The following NRG1 variants were observed in gnomAD, a reference collection of about 807,000 sequenced individuals.
NRG1 encodes pro-neuregulin-1, membrane-bound isoform.
Under a neutral mutation model 63.8 loss-of-function variants are expected in NRG1, and 18 were observed. The observed-to-expected ratio is 0.28, with a 90% CI of 0.19 to 0.42. The LOEUF is 0.42. Ranked by LOEUF, NRG1 falls within the 10% of genes least tolerant of loss-of-function variation. NRG1 has a pLI of 1.00. For synonymous variants in NRG1, 302 were observed against 301.3 expected, an observed-to-expected ratio of 1.00 and a Z score of -0.02; for missense variants, 762 against 814.7, an observed-to-expected ratio of 0.94 and a Z score of 0.79.
chr8:32,651,755 A>G (rs1855176880), intron 5 of NRG1, among the ~76,000 whole-genome samples: 1 of 152,190 alleles, frequency 6.6e-6, no homozygotes. Flanking sequence ...TGGATATACC[A>G]TAGGATTTCT....
At chr8:31,854,865 A>G (rs1176221368) in intron 1 of NRG1, among the ~76,000 whole-genome samples, 1 of 152,112 alleles carries the variant, frequency 6.6e-6, no homozygotes, top group Non-Finnish European at 1.5e-5. Context: ...TCGTTTCGTT[A>G]TGTACCCAGT....
At chr8:31,763,239 T>C (rs549187287) in intron 1 of NRG1, among the ~76,000 whole-genome samples, 5 of 152,336 alleles carry the variant, frequency 3.3e-5, no homozygotes, top group African/African-American at 1.2e-4. Flanking sequence ...CATTAAAACA[T>C]TTCTCTGTGG....
chr8:32,330,367 A>G (rs1490307007), intron 1 of NRG1, among the ~76,000 whole-genome samples: 1 of 152,206 alleles, frequency 6.6e-6, no homozygotes, highest in East Asian at 1.9e-4. Flanking sequence ...AAATGACAGG[A>G]TAGGTCTAGA....
chr8:31,834,142 G>C (rs554998787), intron 1 of NRG1, among the ~76,000 whole-genome samples: 19 of 152,316 alleles, frequency 1.2e-4, no homozygotes, highest in South Asian at 6.2e-4. Context: ...TTCTTGGCAA[G>C]TATGTTTGTT....
At chr8:31,974,747 C>T (rs1156499192) in intron 1 of NRG1, among the ~76,000 whole-genome samples, 1 of 152,098 alleles carries the variant, frequency 6.6e-6, no homozygotes, top group East Asian at 1.9e-4. Flanking sequence ...GACAAAATAG[C>T]GAAGAATGAA....
chr8:32,087,993 C>A (rs943047494), intron 1 of NRG1, among the ~76,000 whole-genome samples: 2 of 152,118 alleles, frequency 1.3e-5, no homozygotes, highest in Non-Finnish European at 2.9e-5. Flanking sequence ...TTGACTATGG[C>A]CATTTCCTAT....
chr8:32,026,982 A>G (rs931822485), intron 1 of NRG1, among the ~76,000 whole-genome samples: 2 of 151,770 alleles, frequency 1.3e-5, no homozygotes, highest in Non-Finnish European at 2.9e-5. Context: ...AATTGCATCC[A>G]TTGTTTTTCT....
intron 1 of NRG1, among the ~76,000 whole-genome samples, chr8:32,233,553 ATATATATATAT>A (rs1395476357): frequency 0.023 from 1,783 of 76,124 alleles, 36 homozygotes; most frequent in African/African-American, 0.077. Context: ...ATATATATAT[ATATATATATAT>A]TTTTTTTTTT....
intron 1 of NRG1, among the ~76,000 whole-genome samples, chr8:31,810,042 T>C (rs1822731756): frequency 6.6e-6 from 1 of 152,074 alleles, no homozygotes; most frequent in South Asian, 2.1e-4. Context: ...GATGGTACCC[T>C]TCACCCTGTA....
chr8:32,188,895 G>T (rs1842217738), intron 1 of NRG1, among the ~76,000 whole-genome samples: 1 of 151,948 alleles, frequency 6.6e-6, no homozygotes, highest in Admixed American at 6.6e-5. Context: ...CACCAGCATG[G>T]CACATGTATA....
At chr8:31,745,510 C>A (rs1311397662) in intron 1 of NRG1, among the ~76,000 whole-genome samples, 1 of 151,920 alleles carries the variant, frequency 6.6e-6, no homozygotes, top group African/African-American at 2.4e-5. Context: ...CTCTATATTT[C>A]CTATGCTAAG....
intron 1 of NRG1, among the ~76,000 whole-genome samples, chr8:32,045,981 G>T (rs773153562): frequency 1.1e-4 from 17 of 152,066 alleles, no homozygotes; most frequent in Non-Finnish European, 1.9e-4. Context: ...CTCTGTAAAA[G>T]ACACTATAAG....
At chr8:32,126,553 C>A (rs1295537811) in intron 1 of NRG1, among the ~76,000 whole-genome samples, 1 of 151,830 alleles carries the variant, frequency 6.6e-6, no homozygotes, top group Non-Finnish European at 1.5e-5. Context: ...AAAAGCTCTT[C>A]CCCAGGGATG....
At chr8:31,940,196 A>T (rs1801545349) in intron 1 of NRG1, among the ~76,000 whole-genome samples, 1 of 152,180 alleles carries the variant, frequency 6.6e-6, no homozygotes, top group Non-Finnish European at 1.5e-5. Flanking sequence ...AATTACATCA[A>T]GTACTCTCTC....
intron 1 of NRG1, among the ~76,000 whole-genome samples, chr8:32,265,556 A>T (rs1451980281): frequency 6.6e-6 from 1 of 152,182 alleles, no homozygotes; most frequent in African/African-American, 2.4e-5. Context: ...AAACTAATGT[A>T]GGCTGGGTGG....
At chr8:31,944,002 T>G (rs16878500) in intron 1 of NRG1, among the ~76,000 whole-genome samples, 12,519 of 152,300 alleles carry the variant, frequency 0.082, 610 homozygotes, top group Admixed American at 0.14. Context: ...CATTCTTCAG[T>G]TGCAGCTCCA....
chr8:32,132,520 C>T lies in NRG1; in HGVS notation c.38-463308C>T, dbSNP rs533362960. ...CCCAGTGACAGATCTACTTGGCCCTCGACTAAAGGGGCGCTGTAACTTTAA... is the reference window on the plus strand; with the variant it reads ...CCCAGTGACAGATCTACTTGGCCCTTGACTAAAGGGGCGCTGTAACTTTAA... On this transcript the variant is annotated intron_variant, in intron 1 of 10. Coordinates refer to the NRG1 transcript ENST00000519301. 5.9e-5 allele frequency among the ~76,000 whole-genome samples: 9 copies of T among 152,114 alleles called. No individual in the cohort carries two copies. The South Asian group carries it at 1.9e-3, about 32-fold the overall frequency.
chr8:32,107,983 T>C (rs1234870486), intron 1 of NRG1, among the ~76,000 whole-genome samples: 3 of 152,198 alleles, frequency 2.0e-5, no homozygotes. Context: ...CTGATAGAGA[T>C]TGATGCCATA....
intron 1 of NRG1, among the ~76,000 whole-genome samples, chr8:31,771,446 C>G (rs537332363): frequency 1.3e-5 from 2 of 152,038 alleles, no homozygotes; most frequent in East Asian, 3.9e-4. Flanking sequence ...ACTGTTTTTT[C>G]CTAAATATAT....
Sources: gnomAD v4.1 joint callset for allele counts (sites outside exome capture counted in the v4.1 genomes callset) on GRCh38, gnomAD v4.1.1 for gene constraint, MANE v1.5 for transcripts, NCBI Gene and HGNC (gene_info 2026-07-23, HGNC 2026-07-21) for gene names.